Variants in SLCO3A1 observed in about 807,000 individuals in gnomAD.
SLCO3A1 encodes PGE1 transporter.
Under a neutral mutation model 63.1 loss-of-function variants are expected in SLCO3A1, and 27 were observed. The ratio of observed to expected loss-of-function variants is 0.43; its 90% CI spans 0.32 to 0.59. The LOEUF (loss-of-function observed/expected upper bound fraction) is 0.59, where lower values mean the gene tolerates loss of function less well. SLCO3A1 is among the 20% of genes least tolerant of loss of function. The pLI, the probability that SLCO3A1 is intolerant of heterozygous loss-of-function variation, is 0.09. For synonymous variants in SLCO3A1, 473 were observed against 409.9 expected, an observed-to-expected ratio of 1.15 and a Z score of -1.86; for missense variants, 773 against 945.8, an observed-to-expected ratio of 0.82 and a Z score of 2.40.
At chr15:92,038,738 A>G (rs1422675164) in intron 2 of SLCO3A1, among the ~76,000 whole-genome samples, 2 of 152,214 alleles carry the variant, frequency 1.3e-5, no homozygotes, top group East Asian at 3.9e-4. Flanking sequence ...TCTTCATAGA[A>G]TTCGAAAAAA....
intron 2 of SLCO3A1, among the ~76,000 whole-genome samples, chr15:92,068,144 A>G (rs961744246): frequency 4.6e-5 from 7 of 152,168 alleles, no homozygotes; most frequent in Non-Finnish European, 8.8e-5. Context: ...GCTACCTCCT[A>G]ATAATACTGC....
At chr15:92,025,677 A>G (rs1350753212) in intron 2 of SLCO3A1, among the ~76,000 whole-genome samples, 1 of 152,056 alleles carries the variant, frequency 6.6e-6, no homozygotes, top group Non-Finnish European at 1.5e-5. Context: ...TCCTTCCCCA[A>G]CCATTCCCGT....
chr15:92,067,167 C>A (rs928851540), intron 2 of SLCO3A1, among the ~76,000 whole-genome samples: 3 of 150,972 alleles, frequency 2.0e-5, no homozygotes, highest in Admixed American at 1.3e-4. Context: ...GCCACAAACA[C>A]CCCCTGCTCC....
At chr15:92,160,830 C>T (rs1157661830) in intron 9 of SLCO3A1, among the ~76,000 whole-genome samples, 2 of 152,196 alleles carry the variant, frequency 1.3e-5, no homozygotes, top group Non-Finnish European at 2.9e-5. Context: ...AGCCTTCCCT[C>T]TCTCCCCAAC....
At chr15:92,159,489 A>T (rs1274962015) in intron 9 of SLCO3A1, among the ~76,000 whole-genome samples, 1 of 152,090 alleles carries the variant, frequency 6.6e-6, no homozygotes, top group Non-Finnish European at 1.5e-5. Flanking sequence ...GTCTCAAAAA[A>T]AAAAAAAATT....
chr15:91,982,387 T>C (rs2045998971), intron 2 of SLCO3A1, among the ~76,000 whole-genome samples: 1 of 152,264 alleles, frequency 6.6e-6, no homozygotes, highest in South Asian at 2.1e-4. Context: ...GTAGTTTCTT[T>C]CGACAAATCT....
At chr15:92,142,253 C>T (rs2151582113) in intron 7 of SLCO3A1, among the ~76,000 whole-genome samples, 1 of 152,338 alleles carries the variant, frequency 6.6e-6, no homozygotes, top group East Asian at 1.9e-4. Context: ...CAGCATGGGG[C>T]TACCTTGGCC....
chr15:92,146,193 C>T (rs113788674), intron 7 of SLCO3A1, among the ~76,000 whole-genome samples: 1,739 of 152,324 alleles, frequency 0.011, 44 homozygotes, highest in African/African-American at 0.04. Context: ...GGCACTGCCT[C>T]TCCCAGCCCC....
chr15:91,857,139 A>G (rs570670932), intron 1 of SLCO3A1, among the ~76,000 whole-genome samples: 1 of 151,496 alleles, frequency 6.6e-6, no homozygotes, highest in Admixed American at 6.6e-5. Flanking sequence ...TTTGTTTTCC[A>G]CCAAGAACCT....
chr15:92,011,528 A>G (rs551781010), intron 2 of SLCO3A1, among the ~76,000 whole-genome samples: 88 of 152,268 alleles, frequency 5.8e-4, no homozygotes, highest in African/African-American at 2.0e-3. Context: ...AAAAAATTCC[A>G]TCTTATCAGA....
chr15:92,027,476 C>T (rs1597235394), intron 2 of SLCO3A1, among the ~76,000 whole-genome samples: 1 of 152,194 alleles, frequency 6.6e-6, no homozygotes, highest in Non-Finnish European at 1.5e-5. Flanking sequence ...TAGCAACTTG[C>T]CCAAGGTCAC....
intron 1 of SLCO3A1, among the ~76,000 whole-genome samples, chr15:91,874,932 A>G (rs896499962): frequency 6.6e-6 from 1 of 152,162 alleles, no homozygotes; most frequent in Non-Finnish European, 1.5e-5. Context: ...GCTTGATTAG[A>G]GGAGATAATT....
chr15:92,090,926 G>A (rs2047465838), intron 2 of SLCO3A1, among the ~76,000 whole-genome samples: 1 of 152,198 alleles, frequency 6.6e-6, no homozygotes, highest in Non-Finnish European at 1.5e-5. Flanking sequence ...CTTTACAGAA[G>A]AAGAAGCTGA....
chr15:92,150,368 C>G (rs2048288831), intron 8 of SLCO3A1, among the ~76,000 whole-genome samples: 1 of 152,094 alleles, frequency 6.6e-6, no homozygotes, highest in Non-Finnish European at 1.5e-5. Context: ...ACAGACACAC[C>G]CAGGATCAAT....
At chr15:91,908,509 A>G (rs1249324411) in intron 1 of SLCO3A1, 1 of 152,076 alleles carries the variant, frequency 6.6e-6, no homozygotes, top group African/African-American at 2.4e-5. Flanking sequence ...CAGATCTAGG[A>G]TCCTGGAATT....
intron 1 of SLCO3A1, among the ~76,000 whole-genome samples, chr15:91,903,209 G>A (rs933595304): frequency 3.3e-5 from 5 of 152,174 alleles, no homozygotes; most frequent in African/African-American, 7.2e-5. Context: ...CTGAAGATGC[G>A]AGGAGGAGGG....
intron 2 of SLCO3A1, among the ~76,000 whole-genome samples, chr15:92,082,001 T>A (rs1351045705): frequency 1.3e-5 from 2 of 152,242 alleles, no homozygotes; most frequent in Non-Finnish European, 2.9e-5. Context: ...GTGGATTTGG[T>A]AACATTAGTG....
At chr15:92,024,249 T>C (rs2046543956) in intron 2 of SLCO3A1, among the ~76,000 whole-genome samples, 1 of 152,192 alleles carries the variant, frequency 6.6e-6, no homozygotes, top group Non-Finnish European at 1.5e-5. Flanking sequence ...TTTTTTTCTT[T>C]TAGTGGAGTC....
At chr15:92,073,249 G>A (rs1374316271) in intron 2 of SLCO3A1, among the ~76,000 whole-genome samples, 1 of 152,152 alleles carries the variant, frequency 6.6e-6, no homozygotes, top group Non-Finnish European at 1.5e-5. Context: ...TGTTGACATA[G>A]AGTCTAAATG....
Sources: gnomAD v4.1 joint callset for allele counts (sites outside exome capture counted in the v4.1 genomes callset) on GRCh38, gnomAD v4.1.1 for gene constraint, MANE v1.5 for transcripts, NCBI Gene and HGNC (gene_info 2026-07-23, HGNC 2026-07-21) for gene names.